POT1: variants seen among roughly 807,000 people sequenced by gnomAD.
POT1 encodes the protein protection of telomeres protein 1.
A neutral mutation model predicts 78.5 loss-of-function variants in POT1; 47 were observed. The observed-to-expected ratio is 0.60, with a 90% confidence interval of 0.47 to 0.76. The LOEUF (loss-of-function observed/expected upper bound fraction) is 0.76. Among genes scored for constraint, POT1 ranks in the 30% least tolerant of loss-of-function variants. The pLI, the probability that POT1 is intolerant of heterozygous loss-of-function variation, is 0.00. For synonymous variants in POT1, 259 were observed against 260.7 expected (o/e 0.99, Z 0.06); for missense variants, 646 against 749.9 (o/e 0.86, Z 1.62).
At chr7:124,830,701 TA>T (rs1250257951) in intron 15 of POT1, among the ~76,000 whole-genome samples, 2 of 152,092 alleles carry the variant, frequency 1.3e-5, no homozygotes, top group African/African-American at 4.8e-5. Context: ...CTATTAAAAC[TA>T]AAATTTAGCC....
intron 14 of POT1, among the ~76,000 whole-genome samples, chr7:124,839,669 A>G (rs1794979333): frequency 6.6e-6 from 1 of 152,186 alleles, no homozygotes. Flanking sequence ...GCTTTTACAT[A>G]CATTCTCATT....
chr7:124,894,918 T>C (rs1438273431), intron 5 of POT1, among the ~76,000 whole-genome samples: 1 of 151,680 alleles, frequency 6.6e-6, no homozygotes, highest in Non-Finnish European at 1.5e-5. Flanking sequence ...TAGCATTATG[T>C]AATCAGGGAT....
chr7:124,824,638 G>A (rs973174977), intron 18 of POT1, among the ~76,000 whole-genome samples: 5 of 151,976 alleles, frequency 3.3e-5, no homozygotes, highest in African/African-American at 9.7e-5. Flanking sequence ...AATTTCCTAC[G>A]ATAAAAAATT....
At chr7:124,898,807 G>A (rs909527487) in intron 3 of POT1, among the ~76,000 whole-genome samples, 2 of 152,026 alleles carry the variant, frequency 1.3e-5, no homozygotes, top group African/African-American at 4.8e-5. Context: ...ACAGGGCATG[G>A]ACATAATAAG....
chr7:124,921,468 G>C (rs1797148536), intron 2 of POT1, among the ~76,000 whole-genome samples: 1 of 151,726 alleles, frequency 6.6e-6, no homozygotes, highest in Admixed American at 6.6e-5. Flanking sequence ...AAAATTCCAG[G>C]AAAATAAATA....
chr7:124,852,867 T>G lies in POT1; in HGVS notation c.869+105A>C, dbSNP rs1034450080. On this transcript the variant is annotated intron_variant, in intron 10 of 18. Coordinates refer to ENST00000357628, the MANE Select transcript of POT1 (RefSeq NM_015450.3). ...CTCATCTATTTAAAAACATGGCAAA[T>G]GGCACAAAAGGCTAGGGAACTATCA... 1.2e-5 allele frequency: 12 copies of G among 997,760 alleles called. No homozygotes were observed. The African/African-American group carries it at 2.0e-4, about 16-fold the overall frequency. 61.8% of individuals were successfully genotyped at this position (997,760 alleles called of 1,614,324 possible). A position where few individuals can be genotyped will look rare whatever the true frequency, so the allele number is the denominator to read the frequency against.
intron 5 of POT1, among the ~76,000 whole-genome samples, chr7:124,893,549 T>C (rs956418991): frequency 6.6e-6 from 1 of 151,496 alleles, no homozygotes; most frequent in African/African-American, 2.4e-5. Context: ...CTGAAACTCC[T>C]ACTGATTTTG....
At chr7:124,859,973 G>A (rs1795547188) in intron 8 of POT1, among the ~76,000 whole-genome samples, 1 of 151,906 alleles carries the variant, frequency 6.6e-6, no homozygotes, top group African/African-American at 2.4e-5. Context: ...TAAATGCACT[G>A]TGGTTAGTAA....
Position 124,834,192 on chromosome 7 carries a change from T to C in POT1, c.1505+1087A>G, listed in dbSNP as rs185045467. Among the ~76,000 whole-genome samples the C allele has an allele frequency of 2.5e-3, 377 of 152,240 alleles. 1 individual carries two copies. The highest frequency in any genetic ancestry group is 8.9e-3 in the African/African-American group (368 of 41,528). On this transcript the variant is annotated intron_variant, in intron 15 of 18. Coordinates refer to ENST00000357628, the MANE Select transcript of POT1 (RefSeq NM_015450.3). ...GGCAATACCATTCAGGACATAGGCA[T>C]GGGCAAAGACTTCATGTCTAAAACA... is the stretch of plus-strand genomic sequence containing the variant.
At chr7:124,881,164 G>A (rs1001594721) in intron 6 of POT1, among the ~76,000 whole-genome samples, 1 of 151,838 alleles carries the variant, frequency 6.6e-6, no homozygotes, top group East Asian at 1.9e-4. Context: ...AAGCCCAGAC[G>A]ATGTTTATTT....
rs1377738644 is a variant in POT1, at chr7:124,823,625, G to T, written c.*337C>A. The T allele has an allele frequency of 1.0e-5, 2 of 198,450 alleles. No homozygotes were observed. The highest frequency in any genetic ancestry group is 2.3e-5 in the African/African-American group (1 of 42,716). The allele number at this position is 198,450 out of a possible 1,614,324, so 12.3% of individuals were successfully genotyped here. A position where few individuals can be genotyped will look rare whatever the true frequency, so the allele number is the denominator to read the frequency against. ...CCATGTATTACAAGTTTAAAGAAAT[G>T]AATTTATCCTAAAATCATCAGTATC... On this transcript the variant is annotated 3_prime_UTR_variant, in exon 19 of 19. Coordinates refer to ENST00000357628, the MANE Select transcript of POT1 (RefSeq NM_015450.3).
chr7:124,847,044 T>C (rs778785692), intron 11 of POT1, 46 bp from the exon 12 acceptor site: 5 of 1,325,958 alleles, frequency 3.8e-6, no homozygotes, highest in Non-Finnish European at 5.4e-6. Context: ...TACAACTTCA[T>C]TGTAGAACTG....
At chr7:124,908,847 TA>T (rs1221234309) in intron 3 of POT1, among the ~76,000 whole-genome samples, 1 of 151,908 alleles carries the variant, frequency 6.6e-6, no homozygotes, top group Non-Finnish European at 1.5e-5. Flanking sequence ...AATCTTAAAA[TA>T]AAATAAACTG....
chr7:124,844,011 C>T (rs1319225039), intron 12 of POT1, among the ~76,000 whole-genome samples: 1 of 152,110 alleles, frequency 6.6e-6, no homozygotes, highest in African/African-American at 2.4e-5. Context: ...AATGAGTCTG[C>T]CCAAATATAT....
chr7:124,903,061 C>T (rs564463105), intron 3 of POT1, among the ~76,000 whole-genome samples: 13 of 152,204 alleles, frequency 8.5e-5, no homozygotes, highest in African/African-American at 2.9e-4. Flanking sequence ...CTTAGACTCC[C>T]ACACAATAAT....
chr7:124,852,030 G>C (rs1409443670), intron 10 of POT1, 79 bp from the exon 11 acceptor site: 4 of 881,276 alleles, frequency 4.5e-6, no homozygotes, highest in Non-Finnish European at 5.4e-6. Flanking sequence ...ACAAAATCCA[G>C]AAATTCATTG....
chr7:124,901,070 G>C (rs1249518254), intron 3 of POT1, among the ~76,000 whole-genome samples: 1 of 152,178 alleles, frequency 6.6e-6, no homozygotes, highest in Non-Finnish European at 1.5e-5. Context: ...CACCTCTGGG[G>C]GCAGGGCATA....
At chr7:124,858,013 C>G (rs1035310820) in intron 9 of POT1, among the ~76,000 whole-genome samples, 2 of 152,158 alleles carry the variant, frequency 1.3e-5, no homozygotes, top group Non-Finnish European at 2.9e-5. Context: ...GCTCCTGCAC[C>G]TGCTCACCTG....
chr7:124,841,975 A>G (rs1160183976), intron 13 of POT1, among the ~76,000 whole-genome samples: 1 of 152,056 alleles, frequency 6.6e-6, no homozygotes, highest in African/African-American at 2.4e-5. Flanking sequence ...ATTTTAAAAT[A>G]AAAAATTTCT....
Sources: allele counts gnomAD v4.1 joint callset (sites outside exome capture counted in the v4.1 genomes callset), GRCh38; gene constraint gnomAD v4.1.1; transcripts MANE v1.5; gene names NCBI Gene and HGNC (gene_info 2026-07-23, HGNC 2026-07-21).